Variants in RAD18 observed in about 807,000 individuals in gnomAD.
RAD18 encodes the protein RAD18 E3 ubiquitin protein ligase.
RAD18 carries 47 observed loss-of-function variants against 60.4 expected under a neutral mutation model. The ratio of observed to expected loss-of-function variants is 0.78; its 90% confidence interval spans 0.62 to 0.99. The LOEUF (loss-of-function observed/expected upper bound fraction) is 0.99, where lower values mean the gene tolerates loss of function less well. RAD18 is among the 50% of genes least tolerant of loss of function. RAD18 has a pLI of 0.00. For synonymous variants in RAD18, 225 were observed against 195.5 expected (o/e 1.15, Z -1.26); for missense variants, 640 against 593.3 (o/e 1.08, Z -0.82).
At chr3:8,917,691 A>C (rs116218113) in intron 7 of RAD18, among the ~76,000 whole-genome samples, 1,027 of 98,110 alleles carry the variant, frequency 0.01, 7 homozygotes, top group African/African-American at 0.025. Flanking sequence ...AAAAATGCTC[A>C]ATCCAAAAAA....
intron 8 of RAD18, among the ~76,000 whole-genome samples, chr3:8,912,888 G>A (rs577129161): frequency 2.0e-4 from 30 of 152,272 alleles, no homozygotes; most frequent in African/African-American, 6.5e-4. Flanking sequence ...CTGCTTCCAT[G>A]ATTCACTGCA....
chr3:8,946,298 C>T (rs1054693270), intron 4 of RAD18, among the ~76,000 whole-genome samples: 36 of 152,298 alleles, frequency 2.4e-4, no homozygotes, highest in African/African-American at 8.4e-4. Context: ...TACCAAGGAG[C>T]AATAGGCCCT....
intron 10 of RAD18, among the ~76,000 whole-genome samples, chr3:8,901,622 T>C (rs1939914602): frequency 1.3e-5 from 2 of 152,174 alleles, no homozygotes; most frequent in South Asian, 4.1e-4. Context: ...GAAAGTGGAA[T>C]TGTTATTACC....
intron 12 of RAD18, among the ~76,000 whole-genome samples, chr3:8,888,795 G>T (rs1167554649): frequency 2.0e-5 from 3 of 152,190 alleles, no homozygotes; most frequent in East Asian, 1.9e-4. Context: ...ATGAGCTCTT[G>T]TATCTTTCTC....
intron 7 of RAD18, among the ~76,000 whole-genome samples, chr3:8,916,996 G>T (rs1940213041): frequency 2.0e-5 from 3 of 152,040 alleles, no homozygotes; most frequent in Admixed American, 6.6e-5. Context: ...CAAAGATCAA[G>T]CAACACAGAT....
chr3:8,954,552 A>G (rs1018335577), intron 2 of RAD18, among the ~76,000 whole-genome samples: 2 of 152,118 alleles, frequency 1.3e-5, no homozygotes, highest in African/African-American at 4.8e-5. Context: ...CTCGCCCCCA[A>G]AATACTCTTT....
In RAD18 at chr3:8,946,827, G is replaced by C. The variant is rs116115824; in HGVS notation, c.266+393C>G. 566 of 168,014 alleles carry C rather than the reference G, an allele frequency of 3.4e-3. 2 individuals carry two copies. The highest frequency in any genetic ancestry group is 4.8e-3 in the Non-Finnish European group (382 of 78,982). The allele number at this position is 168,014 out of a possible 1,614,324, so 10.4% of individuals were successfully genotyped here. On this transcript the variant is annotated intron_variant, in intron 4 of 12. Coordinates refer to ENST00000264926, the MANE Select transcript of RAD18 (RefSeq NM_020165.4). Reference sequence around the variant, plus strand: ...TAGCTCTGTCCATTGAGAGGGCCTAGAAGCAATGACACCCCAGTAGCAACA... The same window carrying C: ...TAGCTCTGTCCATTGAGAGGGCCTACAAGCAATGACACCCCAGTAGCAACA...
chr3:8,889,284 C>T (rs1349093500), intron 12 of RAD18, among the ~76,000 whole-genome samples: 1 of 152,190 alleles, frequency 6.6e-6, no homozygotes, highest in Non-Finnish European at 1.5e-5. Context: ...TTACTTATTG[C>T]TATATGACCT....
intron 10 of RAD18, among the ~76,000 whole-genome samples, 164 bp from the exon 11 acceptor site, chr3:8,899,211 A>C (rs1350974623): frequency 6.6e-6 from 1 of 152,200 alleles, no homozygotes; most frequent in Non-Finnish European, 1.5e-5. Context: ...TAACACTACA[A>C]TGGTGCTATC....
chr3:8,962,160 G>A (rs776827393), intron 1 of RAD18, among the ~76,000 whole-genome samples: 1 of 152,168 alleles, frequency 6.6e-6, no homozygotes, highest in Non-Finnish European at 1.5e-5. Context: ...TCAATCCTAT[G>A]AACTGTTATT....
At chr3:8,918,925 C>T (rs1172902232) in intron 7 of RAD18, among the ~76,000 whole-genome samples, 1 of 152,176 alleles carries the variant, frequency 6.6e-6, no homozygotes, top group African/African-American at 2.4e-5. Flanking sequence ...GACTTCTACA[C>T]CCCATCCAAT....
intron 12 of RAD18, among the ~76,000 whole-genome samples, chr3:8,888,076 C>T (rs1174635375): frequency 6.6e-6 from 1 of 152,180 alleles, no homozygotes; most frequent in Non-Finnish European, 1.5e-5. Flanking sequence ...CACTGTTCAC[C>T]CCACCCTGCC....
intron 12 of RAD18, among the ~76,000 whole-genome samples, chr3:8,883,015 C>G (rs2125044400): frequency 6.6e-6 from 1 of 152,204 alleles, no homozygotes; most frequent in Middle Eastern, 3.4e-3. Flanking sequence ...GCTTTAAGTG[C>G]AATACACAAA....
At chr3:8,949,524 G>A (rs1185026874) in intron 2 of RAD18, among the ~76,000 whole-genome samples, 1 of 152,106 alleles carries the variant, frequency 6.6e-6, no homozygotes, top group African/African-American at 2.4e-5. Flanking sequence ...TGAATACAGG[G>A]GACCGATTCA....
At chr3:8,901,562 T>C (rs965384432) in intron 10 of RAD18, among the ~76,000 whole-genome samples, 1 of 152,190 alleles carries the variant, frequency 6.6e-6, no homozygotes. Flanking sequence ...ACAAATATTA[T>C]ACAATTCCAT....
chr3:8,955,910 AC>A (rs2124844854), intron 2 of RAD18, among the ~76,000 whole-genome samples: 1 of 152,268 alleles, frequency 6.6e-6, no homozygotes, highest in Non-Finnish European at 1.5e-5. Context: ...GATGCCTAAA[AC>A]CACAGGTAGT....
In RAD18 at chr3:8,950,498, G is replaced by A. The variant is rs115361187; in HGVS notation, c.134-1928C>T. 7.5e-3 allele frequency among the ~76,000 whole-genome samples: 1,136 copies of A among 152,268 alleles called. 18 individuals are homozygous for A. The highest frequency in any genetic ancestry group is 0.025 in the African/African-American group (1,050 of 41,526). ...TCTAAGGAGGGGAAAACTGAGGAGC[G>A]TTAGTAACATTCACAGTCCAGGGGC... is the stretch of plus-strand genomic sequence containing the variant. On this transcript the variant is annotated intron_variant, in intron 2 of 12. Coordinates refer to ENST00000264926, the MANE Select transcript of RAD18 (RefSeq NM_020165.4).
chr3:8,882,512 C>G (rs1396417883), intron 12 of RAD18, among the ~76,000 whole-genome samples: 1 of 152,116 alleles, frequency 6.6e-6, no homozygotes, highest in Non-Finnish European at 1.5e-5. Flanking sequence ...CACACAGGGC[C>G]TACCTAAGAC....
chr3:8,956,253 T>C (rs1030007128), intron 2 of RAD18, among the ~76,000 whole-genome samples: 5 of 152,216 alleles, frequency 3.3e-5, no homozygotes, highest in African/African-American at 9.6e-5. Context: ...GCTTTGGGGC[T>C]ACTATTAAGT....
Sources: gnomAD v4.1 joint callset for allele counts (sites outside exome capture counted in the v4.1 genomes callset) on GRCh38, gnomAD v4.1.1 for gene constraint, MANE v1.5 for transcripts, NCBI Gene and HGNC (gene_info 2026-07-23, HGNC 2026-07-21) for gene names.